The following ASTN2 variants were observed in gnomAD, a reference collection of about 807,000 sequenced individuals.
ASTN2 encodes the protein astrotactin-2.
In ASTN2, 54 loss-of-function variants were observed where a neutral mutation model predicts 139.8. That is an observed-to-expected ratio of 0.39 (90% CI 0.31 to 0.48). The LOEUF (loss-of-function observed/expected upper bound fraction) is 0.48, where lower values mean the gene tolerates loss of function less well. Ranked by LOEUF, ASTN2 falls within the 20% of genes least tolerant of loss-of-function variation. ASTN2 has a pLI of 0.95. For synonymous variants in ASTN2, 756 were observed against 719.5 expected, an observed-to-expected ratio of 1.05 and a Z score of -0.81; for missense variants, 1,565 against 1,725.1, an observed-to-expected ratio of 0.91 and a Z score of 1.64.
At chr9:116,843,757 C>G (rs1832342332) in intron 11 of ASTN2, among the ~76,000 whole-genome samples, 1 of 151,164 alleles carries the variant, frequency 6.6e-6, no homozygotes, top group South Asian at 2.1e-4. Flanking sequence ...GGGAAGGAGG[C>G]AGGGAGGTGA....
chr9:116,440,524 G>T, intron 22 of ASTN2, 85 bp downstream of exon 22: 1 of 1,315,764 alleles, frequency 7.6e-7, no homozygotes, highest in Non-Finnish European at 1.1e-6. Context: ...ATAAAGCCTA[G>T]TCTCAGCCTA....
chr9:117,052,128 C>T (rs952089020), intron 5 of ASTN2, among the ~76,000 whole-genome samples: 5 of 152,136 alleles, frequency 3.3e-5, no homozygotes, highest in Non-Finnish European at 7.4e-5. Flanking sequence ...ATAACATCTA[C>T]TCCACAGCAT....
intron 5 of ASTN2, among the ~76,000 whole-genome samples, chr9:117,045,611 T>G (rs2132658846): frequency 6.6e-6 from 1 of 152,290 alleles, no homozygotes; most frequent in African/African-American, 2.4e-5. Context: ...TGCCTATAAT[T>G]TGGGGTTTGA....
At chr9:116,494,401 C>T (rs1332451159) in intron 19 of ASTN2, among the ~76,000 whole-genome samples, 4 of 152,134 alleles carry the variant, frequency 2.6e-5, no homozygotes, top group South Asian at 4.1e-4. Context: ...CACCCCTGCT[C>T]CCTCAGGTCT....
chr9:116,926,860 G>A (rs1369062192), intron 10 of ASTN2, among the ~76,000 whole-genome samples: 3 of 152,016 alleles, frequency 2.0e-5, no homozygotes, highest in African/African-American at 7.2e-5. Context: ...ATTACCAAAA[G>A]GCATCTAATT....
intron 7 of ASTN2, among the ~76,000 whole-genome samples, chr9:116,996,867 A>G (rs934837762): frequency 6.6e-6 from 1 of 152,184 alleles, no homozygotes; most frequent in Non-Finnish European, 1.5e-5. Flanking sequence ...ATAGTAGGAC[A>G]TATGCCATTT....
chr9:117,143,105 T>C (rs182504569), intron 3 of ASTN2, among the ~76,000 whole-genome samples: 17 of 152,334 alleles, frequency 1.1e-4, no homozygotes, highest in Admixed American at 7.8e-4. Context: ...TGTTCTGGTA[T>C]TGGGTTCTGT....
chr9:117,211,365 T>A (rs1477840990), intron 3 of ASTN2, among the ~76,000 whole-genome samples: 2 of 152,174 alleles, frequency 1.3e-5, no homozygotes, highest in Non-Finnish European at 2.9e-5. Flanking sequence ...GGGAGAGAAC[T>A]GGTGGTGGGA....
At chr9:116,751,710 T>A (rs1829408415) in intron 13 of ASTN2, among the ~76,000 whole-genome samples, 1 of 152,186 alleles carries the variant, frequency 6.6e-6, no homozygotes, top group Non-Finnish European at 1.5e-5. Flanking sequence ...CTTTCCCATA[T>A]GCTGGCAGTA....
chr9:116,991,340 G>C (rs1356271833), intron 7 of ASTN2, among the ~76,000 whole-genome samples: 1 of 152,194 alleles, frequency 6.6e-6, no homozygotes, highest in Non-Finnish European at 1.5e-5. Context: ...CTACTGCTAA[G>C]TGCTGCATTT....
In ASTN2 at chr9:117,395,733, C is replaced by A. The variant is rs149946949; in HGVS notation, c.442+18764G>T. Reference sequence around the variant, plus strand: ...TTAGATAATCTGGGGAATTGGGGTGCAAATACGCAGAGTTACACAGAACCC... The same window carrying A: ...TTAGATAATCTGGGGAATTGGGGTGAAAATACGCAGAGTTACACAGAACCC... On this transcript the variant is annotated intron_variant, in intron 1 of 22. Coordinates refer to ENST00000313400, the MANE Select transcript of ASTN2 (RefSeq NM_001365068.1). 6.8e-5 allele frequency among the ~76,000 whole-genome samples: 10 copies of A among 147,298 alleles called. No homozygotes were observed. The East Asian group carries it at 2.1e-3, about 31-fold the overall frequency.
chr9:117,398,356 G>A (rs1180019646), intron 1 of ASTN2, among the ~76,000 whole-genome samples: 2 of 152,138 alleles, frequency 1.3e-5, no homozygotes. Flanking sequence ...TGGACATAGT[G>A]CCATCCTTCT....
intron 10 of ASTN2, among the ~76,000 whole-genome samples, chr9:116,916,377 G>A (rs1834446881): frequency 1.3e-5 from 2 of 152,180 alleles, no homozygotes; most frequent in Admixed American, 1.3e-4. Context: ...AGCCATGAAA[G>A]ATGGTTACTA....
intron 1 of ASTN2, among the ~76,000 whole-genome samples, chr9:117,394,407 CACATATGGCT>C (rs1322571052): frequency 6.6e-6 from 1 of 152,056 alleles, no homozygotes; most frequent in Admixed American, 6.5e-5. Context: ...GCTCAATAGC[CACATATGGCT>C]AGTGGCCACT....
chr9:117,123,112 C>T (rs897449165), intron 4 of ASTN2, among the ~76,000 whole-genome samples: 2 of 151,956 alleles, frequency 1.3e-5, no homozygotes, highest in Non-Finnish European at 2.9e-5. Flanking sequence ...CCTGTAAGGC[C>T]GTTAAAACAC....
At chr9:117,181,370 A>G (rs1278267659) in intron 3 of ASTN2, among the ~76,000 whole-genome samples, 3 of 152,206 alleles carry the variant, frequency 2.0e-5, no homozygotes, top group Non-Finnish European at 4.4e-5. Context: ...AATGTCTCAA[A>G]TACATTTCAT....
At chr9:117,401,147 G>A (rs775576413) in intron 1 of ASTN2, among the ~76,000 whole-genome samples, 3 of 152,164 alleles carry the variant, frequency 2.0e-5, no homozygotes, top group African/African-American at 2.4e-5. Flanking sequence ...AACCTGATGA[G>A]GTAGTGATCC....
intron 1 of ASTN2, among the ~76,000 whole-genome samples, chr9:117,403,702 G>C (rs1194708204): frequency 6.6e-6 from 1 of 152,108 alleles, no homozygotes; most frequent in Non-Finnish European, 1.5e-5. Flanking sequence ...GGGTGCATGA[G>C]AGCAAGGCTT....
chr9:116,617,827 T>C (rs767312507), intron 19 of ASTN2, among the ~76,000 whole-genome samples: 5 of 152,222 alleles, frequency 3.3e-5, no homozygotes, highest in Admixed American at 6.5e-5. Flanking sequence ...TTCTGAGTGA[T>C]AATCAAAGGT....
Sources: allele counts gnomAD v4.1 joint callset (sites outside exome capture counted in the v4.1 genomes callset), GRCh38; gene constraint gnomAD v4.1.1; transcripts MANE v1.5; gene names NCBI Gene and HGNC (gene_info 2026-07-23, HGNC 2026-07-21).